Variants in SLC25A32 observed in about 807,000 individuals in gnomAD.
The protein encoded by SLC25A32 is Glycine auxotroph B, complementation of hamster.
SLC25A32 carries 32 observed loss-of-function variants against 39.0 expected under a neutral mutation model. The ratio of observed to expected loss-of-function variants is 0.82; its 90% CI spans 0.62 to 1.10. The LOEUF (loss-of-function observed/expected upper bound fraction) is 1.10. Ranked by LOEUF, SLC25A32 falls within the 50% of genes least tolerant of loss-of-function variation. SLC25A32 has a pLI of 0.00. For missense variants in SLC25A32, 367 were observed against 395.3 expected (o/e 0.93, Z 0.61); for synonymous variants, 166 against 152.4 (o/e 1.09, Z -0.66).
Position 103,414,827 on chromosome 8 carries a change from G to A in SLC25A32, c.111C>T (p.Asn37=), listed in dbSNP as rs777686799. Residue 37 remains asparagine (N), a synonymous_variant, in exon 1 of 7, where the codon AAC becomes AAT. Transcript: ENST00000297578. The part of the protein sequence containing the change: ...IAGVSGGVLS[N]LALHPLDLVK... ...CGAGGTCGAGCGGATGCAGCGCAAG[G>A]TTGGATAAGACGCCGCCGCTCACGC... 2.5e-6 allele frequency: 4 copies of A among 1,613,832 alleles called. No individual in the cohort carries two copies. Among genetic ancestry groups the A allele is most frequent in the Non-Finnish European group, 3.4e-6 (4 of 1,180,034 alleles).
intron 1 of SLC25A32, among the ~76,000 whole-genome samples, chr8:103,410,691 GTA>G: frequency 6.6e-6 from 1 of 152,206 alleles, no homozygotes; most frequent in East Asian, 1.9e-4. Context: ...GAATTAGTAT[GTA>G]GATCTAAGTA....
intron 4 of SLC25A32, chr8:103,402,307 A>C: frequency 3.7e-6 from 1 of 271,392 alleles, no homozygotes; most frequent in Non-Finnish European, 6.9e-6. Context: ...CATATAAAGA[A>C]GACCCACACT....
At chr8:103,411,869 G>A (rs1460610224) in intron 1 of SLC25A32, among the ~76,000 whole-genome samples, 1 of 152,072 alleles carries the variant, frequency 6.6e-6, no homozygotes, top group Non-Finnish European at 1.5e-5. Context: ...TAACTTTCTG[G>A]AATCATTCTT....
At chr8:103,404,094 T>C (rs1252309636) in intron 3 of SLC25A32, among the ~76,000 whole-genome samples, 1 of 152,184 alleles carries the variant, frequency 6.6e-6, no homozygotes, top group Non-Finnish European at 1.5e-5. Context: ...CTTACTGTTT[T>C]TTCCTTCTGG....
intron 1 of SLC25A32, among the ~76,000 whole-genome samples, chr8:103,408,902 G>A (rs1050200737): frequency 6.6e-6 from 1 of 152,160 alleles, no homozygotes; most frequent in African/African-American, 2.4e-5. Context: ...ATCCTACTTT[G>A]AGATACCATC....
intron 1 of SLC25A32, among the ~76,000 whole-genome samples, chr8:103,409,702 G>T (rs536438246): frequency 6.6e-6 from 1 of 152,242 alleles, no homozygotes; most frequent in East Asian, 1.9e-4. Context: ...GGCAAAGAAG[G>T]ATCACTATTT....
chr8:103,412,845 C>A (rs1436459496), intron 1 of SLC25A32, among the ~76,000 whole-genome samples: 1 of 152,196 alleles, frequency 6.6e-6, no homozygotes, highest in Non-Finnish European at 1.5e-5. Flanking sequence ...AACCCCCACA[C>A]CCTGTCATCA....
chr8:103,407,910 GA>G (rs1816367955), intron 1 of SLC25A32, 126 bp from the exon 2 acceptor site: 3 of 365,210 alleles, frequency 8.2e-6, no homozygotes, highest in South Asian at 9.9e-5. Context: ...TTTTTAGGTA[GA>G]AAAAATTATT....
intron 1 of SLC25A32, among the ~76,000 whole-genome samples, chr8:103,410,946 T>C (rs3134284): frequency 0.052 from 7,910 of 152,308 alleles, 267 homozygotes; most frequent in Non-Finnish European, 0.078. Context: ...GACAAGTTTG[T>C]CTCTCTTAAT....
chr8:103,411,026 A>G (rs1398214576), intron 1 of SLC25A32, among the ~76,000 whole-genome samples: 4 of 152,220 alleles, frequency 2.6e-5, no homozygotes, highest in Non-Finnish European at 5.9e-5. Flanking sequence ...CAAGAAACCA[A>G]TTGAACAGAT....
chr8:103,401,638 A>T lies in SLC25A32; in HGVS notation c.690T>A (p.Val230=). 6.2e-7 allele frequency: 1 copy of T among 1,613,104 alleles called. No homozygotes were observed. Among genetic ancestry groups the T allele is most frequent in the South Asian group, 1.1e-5 (1 of 90,860 alleles). The change falls in exon 6 of 7, where the codon GTT becomes GTA. Residue 230 remains valine (V), a synonymous_variant. Coordinates refer to ENST00000297578, the MANE Select transcript of SLC25A32 (RefSeq NM_030780.5). ...AQLSTVEYIS[V]AALSKIFAVA... Reference sequence around the variant, plus strand: ...CAGCAAATATTTTGGATAGTGCTGCAACAGATATATATTCTACTGTGCTCT... The same window carrying T: ...CAGCAAATATTTTGGATAGTGCTGCTACAGATATATATTCTACTGTGCTCT...
At chr8:103,404,573 C>A (rs71520812) in intron 3 of SLC25A32, among the ~76,000 whole-genome samples, 1 of 151,290 alleles carries the variant, frequency 6.6e-6, no homozygotes, top group South Asian at 2.1e-4. Context: ...CCAGCCTGGG[C>A]GACAAGAGCG....
intron 1 of SLC25A32, among the ~76,000 whole-genome samples, chr8:103,414,173 ACT>A (rs1403311994): frequency 6.6e-6 from 1 of 152,184 alleles, no homozygotes; most frequent in African/African-American, 2.4e-5. Context: ...CATCTTTGAA[ACT>A]CTTTCCAGAC....
chr8:103,405,012 G>C (rs1293321692), intron 2 of SLC25A32, 151 bp from the exon 3 acceptor site: 1 of 557,880 alleles, frequency 1.8e-6, no homozygotes, highest in Non-Finnish European at 3.1e-6. Flanking sequence ...GAATTTGCTG[G>C]AAGTGGTTTG....
In SLC25A32 at chr8:103,404,868, G is replaced by T. The variant is rs781704872; in HGVS notation, c.306-7C>A. Reference sequence around the variant, plus strand: ...TGACTTGATGGCATTGTAACTAAAAGAATTAAATGTGAGCAGTTTAATTTG... The same window carrying T: ...TGACTTGATGGCATTGTAACTAAAATAATTAAATGTGAGCAGTTTAATTTG... On this transcript the variant is annotated splice_region_variant and splice_polypyrimidine_tract_variant and intron_variant, in intron 2 of 6. Coordinates refer to ENST00000297578, the MANE Select transcript of SLC25A32 (RefSeq NM_030780.5). The T allele has an allele frequency of 1.3e-6, 2 of 1,594,568 alleles. No homozygotes were observed. The highest frequency in any genetic ancestry group is 1.7e-6 in the Non-Finnish European group (2 of 1,163,054).
At chr8:103,409,124 T>C (rs1366684131) in intron 1 of SLC25A32, among the ~76,000 whole-genome samples, 1 of 152,172 alleles carries the variant, frequency 6.6e-6, no homozygotes, top group Non-Finnish European at 1.5e-5. Context: ...CAAGGAATAA[T>C]ACAGTATCAA....
intron 2 of SLC25A32, among the ~76,000 whole-genome samples, chr8:103,407,335 C>A (rs1252640584): frequency 6.6e-6 from 1 of 152,192 alleles, no homozygotes; most frequent in Non-Finnish European, 1.5e-5. Flanking sequence ...CTAAAAGTAT[C>A]ATTCCACCTC....
In SLC25A32 at chr8:103,401,604, T is replaced by C. The variant is rs1816220004; in HGVS notation, c.724A>G (p.Thr242Ala). The part of the protein sequence containing the change: ...ALSKIFAVAA[T>A]YPYQVVRARL... ...GCTCTTACGACTTGATATGGGTATG[T>C]TGCTGCGACAGCAAATATTTTGGAT... is the stretch of plus-strand genomic sequence containing the variant. The change falls in exon 6 of 7, where the codon ACA (threonine) becomes GCA (alanine). Residue 242 changes from threonine to alanine, a missense_variant. Transcript: ENST00000297578. The C allele has an allele frequency of 6.2e-6, 10 of 1,613,788 alleles. No individual in the cohort carries two copies. The highest frequency in any genetic ancestry group is 1.7e-4 in the Middle Eastern group (1 of 6,060).
At chr8:103,411,871 A>T (rs1816473894) in intron 1 of SLC25A32, among the ~76,000 whole-genome samples, 1 of 152,190 alleles carries the variant, frequency 6.6e-6, no homozygotes, top group Admixed American at 6.5e-5. Context: ...ACTTTCTGGA[A>T]TCATTCTTTA....
Sources: allele counts gnomAD v4.1 joint callset (sites outside exome capture counted in the v4.1 genomes callset), GRCh38; gene constraint gnomAD v4.1.1; transcripts MANE v1.5; gene names NCBI Gene and HGNC (gene_info 2026-07-23, HGNC 2026-07-21).